The following PGR variants were observed in gnomAD, a reference collection of about 807,000 sequenced individuals.
PGR encodes the protein nuclear receptor subfamily 3 group C member 3.
PGR carries 25 observed loss-of-function variants against 76.1 expected under a neutral mutation model. The ratio of observed to expected loss-of-function variants is 0.33; its 90% confidence interval spans 0.24 to 0.46. The LOEUF (loss-of-function observed/expected upper bound fraction) is 0.46, where lower values mean the gene tolerates loss of function less well. PGR is among the 20% of genes least tolerant of loss of function. PGR has a pLI of 1.00. For missense variants in PGR, 1,172 were observed against 1,225.3 expected, an observed-to-expected ratio of 0.96 and a Z score of 0.65; for synonymous variants, 579 against 535.0, an observed-to-expected ratio of 1.08 and a Z score of -1.14.
chr11:101,051,824 T>A (rs1055620954), intron 4 of PGR, among the ~76,000 whole-genome samples: 1 of 152,132 alleles, frequency 6.6e-6, no homozygotes, highest in South Asian at 2.1e-4. Context: ...CCATCATCCA[T>A]CACTCATTCA....
At position 101,084,967 on chromosome 11, in the gene PGR, G is replaced by A. The variant is rs145927351; in HGVS notation, c.1906+6793C>T. ...TGGCACACCCAGATTCATAAAACAA[G>A]GACTTCTAAGGACCTAGAAAGCCAC... On this transcript the variant is annotated intron_variant, in intron 3 of 7. Transcript: ENST00000325455. Among the ~76,000 whole-genome samples the A allele has an allele frequency of 2.4e-3, 364 of 152,200 alleles. 1 individual carries two copies. The highest frequency in any genetic ancestry group is 0.01 in the Middle Eastern group (3 of 294).
At chr11:101,081,786 T>C (rs950683141) in intron 3 of PGR, among the ~76,000 whole-genome samples, 5 of 152,164 alleles carry the variant, frequency 3.3e-5, no homozygotes, top group Non-Finnish European at 5.9e-5. Flanking sequence ...AAAAGAACCA[T>C]ACCTGCTTCC....
chr11:101,077,694 G>A (rs1000383160), intron 3 of PGR, among the ~76,000 whole-genome samples: 1 of 152,130 alleles, frequency 6.6e-6, no homozygotes. Context: ...AATAGTCTGA[G>A]GACCATCCCC....
At chr11:101,053,350 T>C (rs868308070) in intron 4 of PGR, among the ~76,000 whole-genome samples, 6 of 149,746 alleles carry the variant, frequency 4.0e-5, no homozygotes, top group South Asian at 4.2e-4. Flanking sequence ...ATGTGAATAG[T>C]AGAAAAATTG....
chr11:101,035,818 T>C lies in PGR; in HGVS notation c.*3298A>G, dbSNP rs574778253. The C allele has an allele frequency of 1.3e-5, 3 of 231,838 alleles. No individual in the cohort carries two copies. The highest frequency in any genetic ancestry group is 6.6e-5 in the African/African-American group (3 of 45,270). 14.4% of individuals were successfully genotyped at this position (231,838 alleles called of 1,614,324 possible). Reference sequence around the variant, plus strand: ...ATTCAACCAAATATATCATAGCACATGGTGACATAAATAAAACAGTGAGAC... The same window carrying C: ...ATTCAACCAAATATATCATAGCACACGGTGACATAAATAAAACAGTGAGAC... On this transcript the variant is annotated 3_prime_UTR_variant, in exon 8 of 8. Coordinates refer to ENST00000325455, the MANE Select transcript of PGR (RefSeq NM_000926.4).
chr11:101,062,499 T>G lies in PGR; in HGVS notation c.2160A>C (p.Gln720His), dbSNP rs1446822589. The G allele has an allele frequency of 6.2e-7, 1 of 1,613,920 alleles. No individual in the cohort carries two copies. The highest frequency in any genetic ancestry group is 8.5e-7 in the Non-Finnish European group (1 of 1,179,916). Residue 720 changes from glutamine (Q) to histidine (H), a missense_variant, in exon 4 of 8, where the codon CAA (glutamine) becomes CAC (histidine). Physicochemically the swap from Gln to His is conservative, Grantham distance 24. Coordinates refer to ENST00000325455, the MANE Select transcript of PGR (RefSeq NM_000926.4). ...CTGAAAGAAGTTGCCTCTCGCCTAG[T>G]TGATTAAGACTTGTCAGCAAAGAAC... ...TSSSLLTSLNQLGERQLLSVV... is the reference protein window; with the variant it reads ...TSSSLLTSLNHLGERQLLSVV...
chr11:101,125,961 A>G (rs1319968425), intron 2 of PGR, 46 bp downstream of exon 2: 21 of 1,537,176 alleles, frequency 1.4e-5, no homozygotes, highest in Admixed American at 1.7e-5. Context: ...GATGGTCTCC[A>G]TTTACAATTA....
At position 101,062,569 on chromosome 11, in the gene PGR, T is replaced by C; in HGVS notation, c.2090A>G (p.Asp697Gly). 6.2e-7 allele frequency: 1 copy of C among 1,613,990 alleles called. No individual in the cohort carries two copies. Among genetic ancestry groups the C allele is most frequent in the Non-Finnish European group, 8.5e-7 (1 of 1,179,908 alleles). ...GTTGTCATGTCCTGCATAGATCACA[T>C]CTGGTTCAATGCTCATTAACAGGTT... Reference protein sequence around the residue: ...LINLLMSIEPDVIYAGHDNTK... With the variant: ...LINLLMSIEPGVIYAGHDNTK... The change falls in exon 4 of 8, where the codon GAT becomes GGT. Residue 697 changes from aspartate to glycine, a missense_variant. By Grantham distance (94) the Asp-to-Gly change is moderately conservative (BLOSUM62 -1). Coordinates refer to ENST00000325455, the MANE Select transcript of PGR (RefSeq NM_000926.4).
At chr11:101,105,311 T>C (rs968114594) in intron 2 of PGR, among the ~76,000 whole-genome samples, 7 of 152,064 alleles carry the variant, frequency 4.6e-5, no homozygotes, top group Non-Finnish European at 8.8e-5. Flanking sequence ...ACTCTCAACC[T>C]CTGGAATCTA....
intron 4 of PGR, among the ~76,000 whole-genome samples, chr11:101,060,463 A>G (rs1234263065): frequency 6.6e-6 from 1 of 152,236 alleles, no homozygotes; most frequent in Non-Finnish European, 1.5e-5. Flanking sequence ...CAGCAGGTAC[A>G]TAATAGACAT....
chr11:101,104,029 A>G (rs1315889185), intron 2 of PGR, among the ~76,000 whole-genome samples: 1 of 152,228 alleles, frequency 6.6e-6, no homozygotes, highest in Non-Finnish European at 1.5e-5. Context: ...TAGCACCATA[A>G]CAGACACAGA....
intron 6 of PGR, among the ~76,000 whole-genome samples, chr11:101,048,056 C>G (rs1859953096): frequency 1.3e-5 from 2 of 152,142 alleles, no homozygotes; most frequent in African/African-American, 4.8e-5. Flanking sequence ...AAATCTCTCT[C>G]ACTCAGTGCT....
At position 101,062,467 on chromosome 11, in the gene PGR, T is replaced by C. The variant is rs373694750; in HGVS notation, c.2192A>G (p.Lys731Arg). The C allele has an allele frequency of 7.4e-6, 12 of 1,613,592 alleles. No homozygotes were observed. Among genetic ancestry groups the C allele is most frequent in the South Asian group, 2.2e-5 (2 of 91,082 alleles). The change falls in exon 4 of 8, where the codon AAG becomes AGG. Residue 731 changes from lysine to arginine, a missense_variant. Transcript: ENST00000325455. ...ATTACCTGGCAATGATTTAGACCAC[T>C]TGACTACTGAAAGAAGTTGCCTCTC... The part of the protein sequence containing the change: ...LGERQLLSVV[K>R]WSKSLPGFRN...
chr11:101,047,668 C>T (rs1271725182), intron 6 of PGR, among the ~76,000 whole-genome samples: 3 of 152,112 alleles, frequency 2.0e-5, no homozygotes, highest in South Asian at 2.1e-4. Flanking sequence ...ACCTTAGGCT[C>T]ACCCTCGGCC....
Position 101,098,472 on chromosome 11 carries a change from C to T in PGR, c.1790-6596G>A, listed in dbSNP as rs190043528. Among the ~76,000 whole-genome samples, 8 of 152,238 alleles carry T rather than the reference C, an allele frequency of 5.3e-5. No individual in the cohort carries two copies. In the East Asian group the frequency reaches 1.5e-3, roughly 29 times the overall value. On this transcript the variant is annotated intron_variant, in intron 2 of 7. Transcript: ENST00000325455. ...TATGGTATGACCCACAAGTCACGGGCTTGAAGCAACATGAGCTGGTCCATA... is the reference window on the plus strand; with the variant it reads ...TATGGTATGACCCACAAGTCACGGGTTTGAAGCAACATGAGCTGGTCCATA...
chr11:101,066,091 T>A (rs1311521170), intron 3 of PGR, among the ~76,000 whole-genome samples: 1 of 152,182 alleles, frequency 6.6e-6, no homozygotes, highest in Non-Finnish European at 1.5e-5. Context: ...CTGCATCCTC[T>A]AATAGTCCCT....
chr11:101,087,756 C>CA (rs1203831288), intron 3 of PGR, among the ~76,000 whole-genome samples: 1 of 151,388 alleles, frequency 6.6e-6, no homozygotes, highest in East Asian at 2.0e-4. Flanking sequence ...AAAATCTCAC[C>CA]AAAAAAATGG....
intron 6 of PGR, among the ~76,000 whole-genome samples, chr11:101,044,793 G>A (rs563726490): frequency 2.2e-5 from 3 of 138,008 alleles, no homozygotes; most frequent in African/African-American, 8.1e-5. Context: ...TGCAACCTCC[G>A]CCTCCCATGT....
At chr11:101,126,602 T>C (rs575579399) in intron 1 of PGR, among the ~76,000 whole-genome samples, 1 of 152,342 alleles carries the variant, frequency 6.6e-6, no homozygotes. Context: ...CACAACCCTG[T>C]AATCATTGCT....
Sources: gnomAD v4.1 joint callset for allele counts (sites outside exome capture counted in the v4.1 genomes callset) on GRCh38, gnomAD v4.1.1 for gene constraint, MANE v1.5 for transcripts, NCBI Gene and HGNC (gene_info 2026-07-23, HGNC 2026-07-21) for gene names.